Variants in NKAIN3 observed in about 807,000 individuals in gnomAD.
The protein encoded by NKAIN3 is sodium/potassium transporting ATPase interacting 3.
Under a neutral mutation model 30.2 loss-of-function variants are expected in NKAIN3, and 25 were observed. That is an observed-to-expected ratio of 0.83 (90% CI 0.60 to 1.16). The LOEUF (loss-of-function observed/expected upper bound fraction) is 1.16, where lower values mean the gene tolerates loss of function less well. Ranked by LOEUF, NKAIN3 falls within the 50% of genes most tolerant of loss-of-function variation. The pLI is 0.00. For synonymous variants in NKAIN3, 91 were observed against 89.6 expected (o/e 1.02, Z -0.09); for missense variants, 225 against 254.1 (o/e 0.89, Z 0.78).
rs929203083 is a variant in NKAIN3 at position 62,965,629 on chromosome 8, A to G, written c.*222A>G. The G allele has an allele frequency of 1.0e-6, 1 of 977,242 alleles. No homozygotes were observed. The highest frequency in any genetic ancestry group is 1.8e-5 in the African/African-American group (1 of 56,720). The allele number at this position is 977,242 out of a possible 1,614,324, so 60.5% of individuals were successfully genotyped here. On this transcript the variant is annotated 3_prime_UTR_variant, in exon 7 of 7. Coordinates refer to ENST00000623646, the MANE Select transcript of NKAIN3 (RefSeq NM_001304533.3). Reference sequence around the variant, plus strand: ...GAACACTTGTAAGTTGTAAAAAAAAAAAAAAAAGAAAAAACAGAATTTGGT... The same window carrying G: ...GAACACTTGTAAGTTGTAAAAAAAAGAAAAAAAGAAAAAACAGAATTTGGT...
intron 1 of NKAIN3, among the ~76,000 whole-genome samples, chr8:62,270,601 AT>A (rs1480886484): frequency 3.9e-5 from 6 of 152,180 alleles, no homozygotes; most frequent in Non-Finnish European, 7.3e-5. Context: ...TTTGAAATGT[AT>A]AATACATTAT....
At chr8:62,342,537 G>A (rs1286364189) in intron 1 of NKAIN3, among the ~76,000 whole-genome samples, 1 of 152,040 alleles carries the variant, frequency 6.6e-6, no homozygotes, top group Admixed American at 6.6e-5. Flanking sequence ...TGCCCTTTGA[G>A]TGTCACCCAG....
chr8:62,560,445 AT>A (rs533350650), intron 1 of NKAIN3, among the ~76,000 whole-genome samples: 5 of 118,058 alleles, frequency 4.2e-5, no homozygotes, highest in East Asian at 5.3e-4. Flanking sequence ...GTCTTTGTTC[AT>A]TTTTTTCAGC....
At chr8:62,509,277 C>T (rs1018992480) in intron 1 of NKAIN3, among the ~76,000 whole-genome samples, 2 of 152,052 alleles carry the variant, frequency 1.3e-5, no homozygotes, top group Non-Finnish European at 2.9e-5. Context: ...CCTCACCTCA[C>T]CCTATACTTT....
intron 1 of NKAIN3, among the ~76,000 whole-genome samples, chr8:62,441,340 A>G (rs1805318890): frequency 6.6e-6 from 1 of 152,030 alleles, no homozygotes; most frequent in Non-Finnish European, 1.5e-5. Context: ...GATGTCTTTG[A>G]AAAGAATTAA....
intron 4 of NKAIN3, among the ~76,000 whole-genome samples, chr8:62,803,082 C>T (rs1818130142): frequency 1.3e-5 from 2 of 152,158 alleles, no homozygotes; most frequent in South Asian, 4.1e-4. Flanking sequence ...AATATATATG[C>T]ACCCAATATG....
chr8:62,456,379 C>T (rs1290788259), intron 1 of NKAIN3, among the ~76,000 whole-genome samples: 7 of 151,972 alleles, frequency 4.6e-5, no homozygotes, highest in Non-Finnish European at 8.8e-5. Context: ...ATTAGCCAGG[C>T]GTGGTGGCGG....
intron 5 of NKAIN3, among the ~76,000 whole-genome samples, chr8:62,945,873 T>C (rs1223148043): frequency 6.6e-6 from 1 of 152,186 alleles, no homozygotes; most frequent in African/African-American, 2.4e-5. Context: ...AATTGAACTA[T>C]ATCAGTTCTT....
chr8:62,520,142 G>A (rs961942608), intron 1 of NKAIN3, among the ~76,000 whole-genome samples: 6 of 152,090 alleles, frequency 3.9e-5, no homozygotes, highest in Admixed American at 3.3e-4. Context: ...GGAGTTCTGG[G>A]ACTATGTAGA....
intron 1 of NKAIN3, among the ~76,000 whole-genome samples, chr8:62,529,581 GAGA>G (rs1012570741): frequency 2.0e-5 from 3 of 152,096 alleles, no homozygotes; most frequent in Non-Finnish European, 4.4e-5. Context: ...AGCTTACAGT[GAGA>G]AGGTGGGAGG....
At chr8:62,270,634 T>C (rs1209957319) in intron 1 of NKAIN3, among the ~76,000 whole-genome samples, 1 of 152,178 alleles carries the variant, frequency 6.6e-6, no homozygotes. Context: ...TTCACCACGT[T>C]GTGCAATATT....
At chr8:62,851,191 G>C (rs373598431) in intron 4 of NKAIN3, among the ~76,000 whole-genome samples, 15 of 152,020 alleles carry the variant, frequency 9.9e-5, no homozygotes, top group African/African-American at 2.2e-4. Context: ...AAGTTGGATT[G>C]CTAGGTATTT....
chr8:62,456,526 A>G (rs951494804), intron 1 of NKAIN3, among the ~76,000 whole-genome samples: 2 of 152,030 alleles, frequency 1.3e-5, no homozygotes, highest in African/African-American at 2.4e-5. Flanking sequence ...CTTAAAAAAA[A>G]AAAAAAATAA....
At chr8:62,843,153 G>A (rs540508753) in intron 4 of NKAIN3, among the ~76,000 whole-genome samples, 2 of 152,022 alleles carry the variant, frequency 1.3e-5, no homozygotes, top group African/African-American at 2.4e-5. Flanking sequence ...AGAGGAGATA[G>A]AATTCAGCCA....
chr8:62,532,900 G>A (rs1808531127), intron 1 of NKAIN3, among the ~76,000 whole-genome samples: 1 of 152,110 alleles, frequency 6.6e-6, no homozygotes, highest in South Asian at 2.1e-4. Context: ...TACATTCCAG[G>A]ACTAATGAGT....
At chr8:62,957,678 T>C (rs1042718818) in intron 6 of NKAIN3, among the ~76,000 whole-genome samples, 3 of 152,052 alleles carry the variant, frequency 2.0e-5, no homozygotes, top group Admixed American at 6.5e-5. Flanking sequence ...GGCAAAACTA[T>C]GGAGACAGTA....
intron 4 of NKAIN3, chr8:62,863,106 A>G: frequency 7.6e-7 from 1 of 1,314,074 alleles, no homozygotes; most frequent in Admixed American, 1.7e-5. Context: ...GGTATTCCCC[A>G]TCCTGCTCAT....
chr8:62,259,137 A>G (rs1291160968), intron 1 of NKAIN3, among the ~76,000 whole-genome samples: 1 of 152,174 alleles, frequency 6.6e-6, no homozygotes, highest in East Asian at 1.9e-4. Context: ...GAGAATAAAT[A>G]TATTACTTAT....
At chr8:62,799,149 A>C (rs899415479) in intron 4 of NKAIN3, among the ~76,000 whole-genome samples, 3 of 152,106 alleles carry the variant, frequency 2.0e-5, no homozygotes, top group Non-Finnish European at 2.9e-5. Flanking sequence ...GAGAATATGA[A>C]CATAGTGAGG....
Sources: allele counts gnomAD v4.1 joint callset (sites outside exome capture counted in the v4.1 genomes callset), GRCh38; gene constraint gnomAD v4.1.1; transcripts MANE v1.5; gene names NCBI Gene and HGNC (gene_info 2026-07-23, HGNC 2026-07-21).